LRRCC1: variants seen among roughly 807,000 people sequenced by gnomAD.
LRRCC1 encodes the protein leucine rich repeat and coiled-coil centrosomal protein 1.
A neutral mutation model predicts 126.0 loss-of-function variants in LRRCC1; 115 were observed. That is an observed-to-expected ratio of 0.91 (90% CI 0.78 to 1.07). The LOEUF (loss-of-function observed/expected upper bound fraction) is 1.07. Among genes scored for constraint, LRRCC1 ranks in the 50% least tolerant of loss-of-function variants. The pLI is 0.00. For synonymous variants in LRRCC1, 400 were observed against 393.4 expected, an observed-to-expected ratio of 1.02 and a Z score of -0.20; for missense variants, 1,172 against 1,175.7, an observed-to-expected ratio of 1.00 and a Z score of 0.05.
At chr8:85,137,393 T>C (rs1168879205) in intron 14 of LRRCC1, 71 bp from the exon 15 acceptor site, 3 of 916,362 alleles carry the variant, frequency 3.3e-6, no homozygotes, top group Non-Finnish European at 4.8e-6. Context: ...TATTACAGTT[T>C]GTTAGAGTTT....
At chr8:85,129,512 T>A in intron 10 of LRRCC1, 133 bp downstream of exon 10, 1 of 722,166 alleles carries the variant, frequency 1.4e-6, no homozygotes, top group Non-Finnish European at 2.3e-6. Flanking sequence ...GCTGTTAATT[T>A]AACGGTCACA....
At chr8:85,137,954 A>T (rs1025700278) in intron 15 of LRRCC1, 81 bp from the exon 16 acceptor site, 4 of 707,578 alleles carry the variant, frequency 5.7e-6, no homozygotes, top group Admixed American at 3.3e-5. Context: ...ATTTTAAAGG[A>T]TAAATTAAAC....
In LRRCC1 at chr8:85,135,864, GA is replaced by G; in HGVS notation, c.2235del (p.Val746SerfsTer7). ...KSIQIELLKH[E>X]KVQLISELAA... The stretch of plus-strand genomic sequence containing the variant: ...TATTCAAATAGAACTTCTCAAGCAC[GA>G]AAAAGTCCAGCTTATTTCTGAGCTA... On this transcript the variant is annotated frameshift_variant, in exon 14 of 19. Coordinates refer to ENST00000360375, the MANE Select transcript of LRRCC1 (RefSeq NM_033402.5). LOFTEE classifies it high-confidence loss of function. 1 of 1,606,166 alleles carries G rather than the reference GA, an allele frequency of 6.2e-7. No homozygotes were observed.
intron 7 of LRRCC1, 98 bp from the exon 8 acceptor site, chr8:85,124,694 A>T: frequency 1.5e-6 from 1 of 676,978 alleles, no homozygotes; most frequent in Non-Finnish European, 2.3e-6. Context: ...TATTCTTTTT[A>T]AAAAGCTGTT....
intron 18 of LRRCC1, 117 bp downstream of exon 18, chr8:85,141,634 A>G: frequency 1.4e-6 from 1 of 739,500 alleles, no homozygotes; most frequent in South Asian, 2.3e-5. Context: ...CCAAATAGAT[A>G]TAAAGAATGT....
chr8:85,130,013 C>T lies in LRRCC1; in HGVS notation c.1721C>T (p.Ala574Val), dbSNP rs765839225. The change falls in exon 11 of 19, where the codon GCG (alanine) becomes GTG (valine). Residue 574 changes from alanine to valine, a missense_variant. Ala to Val is a moderately conservative substitution (Grantham distance 64). Transcript: ENST00000360375. ...RTSLHREREQ[A>V]QQLHQLLALK... Reference sequence around the variant, plus strand: ...TCCCTTCATCGAGAAAGAGAACAAGCGCAACAACTTCATCAACTTCTTGCA... The same window carrying T: ...TCCCTTCATCGAGAAAGAGAACAAGTGCAACAACTTCATCAACTTCTTGCA... The T allele has an allele frequency of 2.1e-5, 34 of 1,598,738 alleles. No homozygotes were observed. Among genetic ancestry groups the T allele is most frequent in the East Asian group, 4.6e-5 (2 of 43,552 alleles).
chr8:85,140,537 A>G (rs1811182166), intron 17 of LRRCC1, among the ~76,000 whole-genome samples: 1 of 152,194 alleles, frequency 6.6e-6, no homozygotes, highest in Non-Finnish European at 1.5e-5. Flanking sequence ...TTACTTTTTA[A>G]ATAGTATTAT....
rs1303457319 is a variant in LRRCC1 at position 85,131,978 on chromosome 8, A to C, written c.1968+17A>C. On this transcript the variant is annotated intron_variant, in intron 12 of 18. Transcript: ENST00000360375. Reference sequence around the variant, plus strand: ...TTTCAAGATGTAAGAATTGGCACCCAGCTTTTTATTGAAAACAGAATCAGT... The same window carrying C: ...TTTCAAGATGTAAGAATTGGCACCCCGCTTTTTATTGAAAACAGAATCAGT... 1.3e-6 allele frequency: 2 copies of C among 1,597,324 alleles called. No individual in the cohort carries two copies. Among genetic ancestry groups the C allele is most frequent in the Admixed American group, 3.5e-5 (2 of 56,946 alleles).
At chr8:85,130,096 A>G in intron 11 of LRRCC1, 38 bp downstream of exon 11, 25 of 1,482,776 alleles carry the variant, frequency 1.7e-5, no homozygotes, top group Non-Finnish European at 2.2e-5. Flanking sequence ...TTGGCATTTA[A>G]AAAAAGAAAA....
At chr8:85,112,750 TTC>T (rs1313799520) in intron 3 of LRRCC1, among the ~76,000 whole-genome samples, 180 bp from the exon 4 acceptor site, 1 of 152,214 alleles carries the variant, frequency 6.6e-6, no homozygotes, top group Non-Finnish European at 1.5e-5. Context: ...AATGTTAAAC[TTC>T]TGTTTCTTCA....
intron 6 of LRRCC1, among the ~76,000 whole-genome samples, chr8:85,117,581 G>A (rs113211308): frequency 1.3e-5 from 2 of 152,112 alleles, no homozygotes; most frequent in African/African-American, 4.8e-5. Context: ...CCTTAATCAT[G>A]GGACTTAAAA....
chr8:85,137,928 A>T, intron 15 of LRRCC1, 107 bp from the exon 16 acceptor site: 1 of 627,032 alleles, frequency 1.6e-6, no homozygotes, highest in Non-Finnish European at 2.7e-6. Context: ...TGAACATTTT[A>T]TATGTTTAAA....
Position 85,126,825 on chromosome 8 carries a change from T to C in LRRCC1, c.1409T>C (p.Leu470Pro). 1.9e-6 allele frequency: 3 copies of C among 1,609,038 alleles called. No individual in the cohort carries two copies. Among genetic ancestry groups the C allele is most frequent in the Non-Finnish European group, 2.5e-6 (3 of 1,178,684 alleles). Reference protein sequence around the residue: ...EKEDIHSLALLTTDRLKEIIF... With the variant: ...EKEDIHSLALPTTDRLKEIIF... ...GAGGATATTCATAGTCTGGCTCTAC[T>C]TACCACAGATAGGTAAAAAGAAATT... is the stretch of plus-strand genomic sequence containing the variant. The change falls in exon 9 of 19, where the codon CTT becomes CCT. Residue 470 changes from leucine to proline, a missense_variant. By Grantham distance (98) the Leu-to-Pro change is moderately conservative (BLOSUM62 -3). Transcript: ENST00000360375.
rs747962313 is a variant in LRRCC1, at chr8:85,123,546, A to G, written c.1064A>G (p.Tyr355Cys). Residue 355 changes from tyrosine to cysteine, a missense_variant, in exon 7 of 19, where the codon TAT (tyrosine) becomes TGT (cysteine). By Grantham distance (194) the Tyr-to-Cys change is radical (BLOSUM62 -2). Transcript: ENST00000360375. Reference protein sequence around the residue: ...RKVPRRSKIPYDAKTIQTIKH... With the variant: ...RKVPRRSKIPCDAKTIQTIKH... ...GTTCCTCGAAGATCAAAAATCCCTT[A>G]TGATGCCAAAACCATTCAAACTATT... is the stretch of plus-strand genomic sequence containing the variant. 4 of 1,610,326 alleles carry G rather than the reference A, an allele frequency of 2.5e-6. No homozygotes were observed. Among genetic ancestry groups the G allele is most frequent in the East Asian group, 2.2e-5 (1 of 44,734 alleles).
Position 85,145,472 on chromosome 8 carries a change from A to G in LRRCC1, c.3060A>G (p.Gln1020=), listed in dbSNP as rs62525428. The change falls in exon 19 of 19, where the codon CAA becomes CAG. Residue 1020 remains glutamine (Q), a synonymous_variant. Coordinates refer to ENST00000360375, the MANE Select transcript of LRRCC1 (RefSeq NM_033402.5). Reference sequence around the variant, plus strand: ...AAACAATGGAAGCAAAAATTAAGCAACTTGCTTTTGCTTTAAATGAAATTC... The same window carrying G: ...AAACAATGGAAGCAAAAATTAAGCAGCTTGCTTTTGCTTTAAATGAAATTC... ...NKKTMEAKIK[Q]LAFALNEIQQ... 0.1 allele frequency: 159,101 copies of G among 1,585,478 alleles called. 8,634 individuals are homozygous for G. The highest frequency in any genetic ancestry group is 0.12 in the South Asian group (9,515 of 82,416).
chr8:85,141,287 T>C, intron 17 of LRRCC1, 95 bp from the exon 18 acceptor site: 1 of 924,944 alleles, frequency 1.1e-6, no homozygotes. Flanking sequence ...TTTCCATTAG[T>C]ATGAATGTGA....
At chr8:85,127,751 G>A (rs1373207415) in intron 9 of LRRCC1, among the ~76,000 whole-genome samples, 1 of 152,180 alleles carries the variant, frequency 6.6e-6, no homozygotes, top group Non-Finnish European at 1.5e-5. Context: ...CAACATGCAT[G>A]CTATGAGAAC....
In LRRCC1 at chr8:85,110,178, G is replaced by A; in HGVS notation, c.374G>A (p.Ser125Asn). Residue 125 changes from serine (S) to asparagine (N), a missense_variant and splice_region_variant, in exon 3 of 19, where the codon AGT (serine) becomes AAT (asparagine). By Grantham distance (46) the Ser-to-Asn change is conservative. Transcript: ENST00000360375. ...TCTTATAACCACATAGATGATCTTA[G>A]TGGTAAGTAGAAATGCTTATGTTTT... is the stretch of plus-strand genomic sequence containing the variant. ...NVSYNHIDDL[S>N]GLIPLHGIKH... is the part of the protein sequence containing the mutation. The A allele has an allele frequency of 7.8e-7, 1 of 1,282,810 alleles. No homozygotes were observed. The highest frequency in any genetic ancestry group is 1.1e-6 in the Non-Finnish European group (1 of 930,782). 79.5% of individuals were successfully genotyped at this position (1,282,810 alleles called of 1,614,324 possible).
At chr8:85,145,310 G>T in intron 18 of LRRCC1, 79 bp from the exon 19 acceptor site, 1 of 1,089,362 alleles carries the variant, frequency 9.2e-7, no homozygotes, top group Non-Finnish European at 1.3e-6. Context: ...AATAAATTTT[G>T]GACCTTTTCT....
Sources: allele counts gnomAD v4.1 joint callset (sites outside exome capture counted in the v4.1 genomes callset), GRCh38; gene constraint gnomAD v4.1.1; transcripts MANE v1.5; gene names NCBI Gene and HGNC (gene_info 2026-07-23, HGNC 2026-07-21).